EPB41L3: variants seen among roughly 807,000 people sequenced by gnomAD.
The protein encoded by EPB41L3 is erythrocyte membrane protein band 4.1 like 3, also known as band 4.1-like protein 3.
Under a neutral mutation model 127.1 loss-of-function variants are expected in EPB41L3, and 57 were observed. The observed-to-expected ratio is 0.45, with a 90% confidence interval of 0.36 to 0.56. EPB41L3 has a LOEUF of 0.56. Ranked by LOEUF, EPB41L3 falls within the 20% of genes least tolerant of loss-of-function variation. The pLI is 0.00. For synonymous variants in EPB41L3, 572 were observed against 549.5 expected (o/e 1.04, Z -0.57); for missense variants, 1,273 against 1,372.2 (o/e 0.93, Z 1.14).
In EPB41L3 at chr18:5,397,251, T is replaced by G. The variant is rs752271497; in HGVS notation, c.2648A>C (p.Gln883Pro). The G allele has an allele frequency of 9.9e-6, 16 of 1,614,078 alleles. No homozygotes were observed. Among genetic ancestry groups the G allele is most frequent in the Non-Finnish European group, 1.4e-5 (16 of 1,180,042 alleles). ...CCCTTTAATGCCTGTGAATGCGGGC[T>G]GTGCTGCAGCATCCCCGCTGTCTCC... Reference protein sequence around the residue: ...SAGDSGDAAAQPAFTGIKGKE... With the variant: ...SAGDSGDAAAPPAFTGIKGKE... The change falls in exon 18 of 23, where the codon CAG becomes CCG. Residue 883 changes from glutamine (Q) to proline (P), a missense_variant. Coordinates refer to ENST00000341928, the MANE Select transcript of EPB41L3 (RefSeq NM_012307.5). This position sits in a 1 kb window ranked among gnomAD's most constrained non-coding sequence, Gnocchi z 4.1.
intron 13 of EPB41L3, among the ~76,000 whole-genome samples, chr18:5,414,011 T>C (rs1296900420): frequency 6.6e-6 from 1 of 152,250 alleles, no homozygotes; most frequent in Non-Finnish European, 1.5e-5. Flanking sequence ...CTGTGTGGTT[T>C]GCTATATAAA....
At chr18:5,552,732 C>T (rs2093982854) in intron 3 of EPB41L3, among the ~76,000 whole-genome samples, 1 of 140,320 alleles carries the variant, frequency 7.1e-6, no homozygotes, top group Non-Finnish European at 1.5e-5. Context: ...ATAACTTTCA[C>T]CATCACCAGA....
upstream of EPB41L3, among the ~76,000 whole-genome samples, chr18:5,544,552 A>G (rs995748390): frequency 2.0e-5 from 3 of 152,212 alleles, no homozygotes; most frequent in Non-Finnish European, 4.4e-5. Flanking sequence ...TCCAGTATCT[A>G]TAAAGCTTTC....
intron 5 of EPB41L3, among the ~76,000 whole-genome samples, chr18:5,441,268 C>T (rs540849939): frequency 6.6e-6 from 1 of 152,204 alleles, no homozygotes; most frequent in East Asian, 1.9e-4. Flanking sequence ...TAAAGGAATA[C>T]TGTGAGCCCA....
chr18:5,495,895 CG>C (rs1237344024), intron 1 of EPB41L3, among the ~76,000 whole-genome samples: 1 of 152,120 alleles, frequency 6.6e-6, no homozygotes, highest in Non-Finnish European at 1.5e-5. Context: ...AGAAATGTTG[CG>C]AAGTGAAGAC....
At chr18:5,503,988 G>A (rs116135290) in intron 1 of EPB41L3, among the ~76,000 whole-genome samples, 2 of 152,144 alleles carry the variant, frequency 1.3e-5, no homozygotes, top group Non-Finnish European at 2.9e-5. Context: ...ACCTATATTA[G>A]TAATGATTAT....
intron 3 of EPB41L3, among the ~76,000 whole-genome samples, chr18:5,582,181 A>G (rs1390525404): frequency 6.6e-6 from 1 of 151,924 alleles, no homozygotes; most frequent in Non-Finnish European, 1.5e-5. Context: ...TCTCAAATTG[A>G]ATCTCAAGGC....
chr18:5,584,490 A>C (rs1462619548), intron 3 of EPB41L3, among the ~76,000 whole-genome samples: 1 of 152,192 alleles, frequency 6.6e-6, no homozygotes, highest in African/African-American at 2.4e-5. Flanking sequence ...AAAGTTACTT[A>C]AGTTTTCCCA....
intron 1 of EPB41L3, among the ~76,000 whole-genome samples, chr18:5,494,152 G>C (rs1029960414): frequency 1.3e-5 from 2 of 151,874 alleles, no homozygotes; most frequent in African/African-American, 4.8e-5. Flanking sequence ...ACCTAAAACC[G>C]AACATTTTTC....
chr18:5,470,668 A>G (rs1376851356), intron 3 of EPB41L3, among the ~76,000 whole-genome samples: 1 of 152,254 alleles, frequency 6.6e-6, no homozygotes, highest in African/African-American at 2.4e-5. Flanking sequence ...GGACAATGAA[A>G]ATAACCTTGT....
intron 3 of EPB41L3, among the ~76,000 whole-genome samples, chr18:5,604,020 C>T (rs113387295): frequency 1.7e-5 from 1 of 58,430 alleles, no homozygotes; most frequent in Non-Finnish European, 4.2e-5. Flanking sequence ...CACACACACA[C>T]GTGCACACAC....
chr18:5,503,892 A>T (rs752514756), intron 1 of EPB41L3, among the ~76,000 whole-genome samples: 1 of 152,202 alleles, frequency 6.6e-6, no homozygotes, highest in Non-Finnish European at 1.5e-5. Context: ...GCTATATTTC[A>T]CAATGGAGAT....
In EPB41L3 at chr18:5,617,382, C is replaced by G. The variant is rs201678451; in HGVS notation, c.-467-2959G>C. On this transcript the variant is annotated intron_variant, in intron 1 of 21. Coordinates refer to the EPB41L3 transcript ENST00000545076. ...CGCCCAGGCTGGAGTGCAGTGGTGC[C>G]ATCTCCGCTCACTGCAAGCTCCGCC... Among the ~76,000 whole-genome samples the G allele has an allele frequency of 3.8e-4, 57 of 150,858 alleles. 1 individual carries two copies. The East Asian group carries it at 0.011, about 29-fold the overall frequency.
At chr18:5,507,614 C>T (rs1349515998) in intron 1 of EPB41L3, among the ~76,000 whole-genome samples, 1 of 152,172 alleles carries the variant, frequency 6.6e-6, no homozygotes, top group Non-Finnish European at 1.5e-5. Context: ...ACATTGTTGA[C>T]TACATAGCAT....
At chr18:5,534,023 C>T (rs1024623800) in intron 1 of EPB41L3, among the ~76,000 whole-genome samples, 2 of 152,080 alleles carry the variant, frequency 1.3e-5, no homozygotes, top group Non-Finnish European at 2.9e-5. Flanking sequence ...ATTAGCAAGG[C>T]GTGGTGGCGG....
intron 16 of EPB41L3, chr18:5,401,113 G>A (rs999411194): frequency 1.6e-5 from 14 of 860,578 alleles, no homozygotes; most frequent in Non-Finnish European, 2.0e-5. Flanking sequence ...AGTTAGGAAG[G>A]GAGTTCTTTC....
intron 3 of EPB41L3, among the ~76,000 whole-genome samples, chr18:5,470,372 T>G (rs773784536): frequency 1.2e-4 from 18 of 152,246 alleles, no homozygotes; most frequent in Non-Finnish European, 2.4e-4. Flanking sequence ...TTAAAGTCCC[T>G]GCAAAATGAG....
At chr18:5,418,999 G>A (rs1032727808) in intron 12 of EPB41L3, among the ~76,000 whole-genome samples, 10 of 152,170 alleles carry the variant, frequency 6.6e-5, no homozygotes, top group East Asian at 1.9e-4. Context: ...GCCTCCTGAA[G>A]GGTTTTTTGA....
intron 1 of EPB41L3, among the ~76,000 whole-genome samples, chr18:5,534,836 C>T (rs2093520681): frequency 6.6e-6 from 1 of 152,202 alleles, no homozygotes. Flanking sequence ...GCAGCATCGT[C>T]ATCTGTTCAC....
Sources: gnomAD v4.1 joint callset for allele counts (sites outside exome capture counted in the v4.1 genomes callset) on GRCh38, gnomAD v4.1.1 for gene constraint, Gnocchi (gnomAD v3.1) non-coding constraint, MANE v1.5 for transcripts, NCBI Gene and HGNC (gene_info 2026-07-23, HGNC 2026-07-21) for gene names.